ZNF277: variants seen among roughly 807,000 people sequenced by gnomAD.
The protein encoded by ZNF277 is nuclear receptor-interacting factor 4.
ZNF277 carries 55 observed loss-of-function variants against 60.7 expected under a neutral mutation model. The observed-to-expected ratio is 0.91, with a 90% CI of 0.73 to 1.13. ZNF277 has a LOEUF of 1.13. Among genes scored for constraint, ZNF277 ranks in the 50% most tolerant of loss-of-function variants. ZNF277 has a pLI of 0.00. For synonymous variants in ZNF277, 178 were observed against 179.3 expected, an observed-to-expected ratio of 0.99 and a Z score of 0.06; for missense variants, 510 against 523.0, an observed-to-expected ratio of 0.98 and a Z score of 0.24.
intron 5 of ZNF277, among the ~76,000 whole-genome samples, chr7:112,319,297 T>C (rs930838327): frequency 1.3e-5 from 2 of 152,096 alleles, no homozygotes; most frequent in African/African-American, 4.8e-5. Flanking sequence ...GGTCCTACCA[T>C]GAGTCTCCTC....
chr7:112,290,510 A>G (rs1387593374), intron 2 of ZNF277, among the ~76,000 whole-genome samples: 1 of 152,214 alleles, frequency 6.6e-6, no homozygotes, highest in African/African-American at 2.4e-5. Flanking sequence ...AATTAAAAAG[A>G]AAAGGATGCA....
In ZNF277 at chr7:112,337,937, G is replaced by A. The variant is rs141106496; in HGVS notation, c.966+111G>A. ...AGTTTCCCAATCATTATTCCAACCA[G>A]AAGAGACAGGCCAGGTCTGTCAGGG... On this transcript the variant is annotated intron_variant, in intron 9 of 11. Transcript: ENST00000361822. 3.1e-3 allele frequency: 2,670 copies of A among 863,048 alleles called. 8 individuals carry two copies. Among genetic ancestry groups the A allele is most frequent in the Non-Finnish European group, 4.3e-3 (2,448 of 573,200 alleles). 53.5% of individuals were successfully genotyped at this position (863,048 alleles called of 1,614,324 possible). A position where few individuals can be genotyped will look rare whatever the true frequency, so the allele number is the denominator to read the frequency against.
At chr7:112,330,705 C>T (rs376242534) in intron 7 of ZNF277, among the ~76,000 whole-genome samples, 2 of 152,026 alleles carry the variant, frequency 1.3e-5, no homozygotes, top group Non-Finnish European at 2.9e-5. Context: ...GCTGGAATTA[C>T]AGCTACTGTG....
chr7:112,221,171 G>A (rs907482493), intron 1 of ZNF277, among the ~76,000 whole-genome samples: 5 of 152,134 alleles, frequency 3.3e-5, no homozygotes, highest in Admixed American at 2.6e-4. Context: ...GCTGGCCATC[G>A]TTCCTGCATG....
chr7:112,323,335 CA>C (rs1264659931), intron 5 of ZNF277, among the ~76,000 whole-genome samples: 1 of 152,244 alleles, frequency 6.6e-6, no homozygotes, highest in Non-Finnish European at 1.5e-5. Flanking sequence ...TTGCCTCAGG[CA>C]GCTGTGATGT....
intron 1 of ZNF277, among the ~76,000 whole-genome samples, chr7:112,252,683 T>G (rs893561922): frequency 6.6e-6 from 1 of 152,116 alleles, no homozygotes; most frequent in Admixed American, 6.5e-5. Context: ...GCTCCCTGCT[T>G]CTGTTTCCTT....
intron 1 of ZNF277, among the ~76,000 whole-genome samples, chr7:112,280,355 T>G (rs1459690288): frequency 1.3e-5 from 2 of 152,332 alleles, no homozygotes; most frequent in East Asian, 3.9e-4. Flanking sequence ...AAAATGTTAA[T>G]AATCAGCATA....
At chr7:112,277,420 A>C (rs933240431) in intron 1 of ZNF277, among the ~76,000 whole-genome samples, 3 of 152,174 alleles carry the variant, frequency 2.0e-5, no homozygotes, top group Non-Finnish European at 4.4e-5. Flanking sequence ...CTTTCTTCCC[A>C]GAAAAAATTA....
chr7:112,212,231 C>G (rs1033049799), intron 1 of ZNF277, among the ~76,000 whole-genome samples: 1 of 152,188 alleles, frequency 6.6e-6, no homozygotes. Flanking sequence ...GAATGACCTA[C>G]CACATGGACC....
chr7:112,246,343 G>A (rs941864450), intron 1 of ZNF277, among the ~76,000 whole-genome samples: 13 of 152,116 alleles, frequency 8.5e-5, no homozygotes, highest in Non-Finnish European at 1.0e-4. Flanking sequence ...GCAGTGAGCC[G>A]TGATCATGCC....
chr7:112,330,025 G>T, intron 6 of ZNF277, 59 bp from the exon 7 acceptor site: 1 of 1,540,028 alleles, frequency 6.5e-7, no homozygotes, highest in Non-Finnish European at 8.7e-7. Context: ...TAATAATAAA[G>T]GATTATTGCA....
chr7:112,310,675 A>G (rs1034106377), intron 4 of ZNF277, among the ~76,000 whole-genome samples: 1 of 152,074 alleles, frequency 6.6e-6, no homozygotes, highest in African/African-American at 2.4e-5. Context: ...AATAAAAAGC[A>G]GGAGAAATAG....
intron 1 of ZNF277, among the ~76,000 whole-genome samples, chr7:112,283,858 C>CTA (rs1792003196): frequency 6.6e-6 from 1 of 152,084 alleles, no homozygotes; most frequent in Non-Finnish European, 1.5e-5. Context: ...ATAAGAATTG[C>CTA]TATGGGGTAT....
At chr7:112,269,955 C>T (rs1289398298) in intron 1 of ZNF277, among the ~76,000 whole-genome samples, 1 of 151,974 alleles carries the variant, frequency 6.6e-6, no homozygotes, top group Non-Finnish European at 1.5e-5. Context: ...CACAAAATCA[C>T]ACAATAAGAA....
intron 4 of ZNF277, among the ~76,000 whole-genome samples, chr7:112,299,936 A>G (rs1172077677): frequency 6.6e-6 from 1 of 152,200 alleles, no homozygotes; most frequent in Non-Finnish European, 1.5e-5. Flanking sequence ...TAAAGCATAT[A>G]GTTTAAGTAC....
intron 1 of ZNF277, among the ~76,000 whole-genome samples, chr7:112,272,293 T>C (rs1363973054): frequency 6.6e-6 from 1 of 152,236 alleles, no homozygotes; most frequent in African/African-American, 2.4e-5. Flanking sequence ...AATAGTACTC[T>C]ACTGTGTATA....
At chr7:112,233,967 A>G (rs1453244283) in intron 1 of ZNF277, among the ~76,000 whole-genome samples, 2 of 150,986 alleles carry the variant, frequency 1.3e-5, no homozygotes, top group African/African-American at 4.9e-5. Flanking sequence ...GCCTTCCTCT[A>G]TTCAGTTACT....
rs1022654600 is a variant in ZNF277, at chr7:112,208,816, G to T, written c.91+2009G>T. 4.0e-5 allele frequency among the ~76,000 whole-genome samples: 6 copies of T among 151,582 alleles called. No homozygotes were observed. The South Asian group carries it at 1.0e-3, about 26-fold the overall frequency. On this transcript the variant is annotated intron_variant, in intron 1 of 11. Transcript: ENST00000361822. ...CTGCCTCAGCCTCCCGAGTAACTGG[G>T]ACTACAGGCGCCAGCCAACAAGCCC...
intron 1 of ZNF277, among the ~76,000 whole-genome samples, chr7:112,210,237 TAGTC>T (rs1821701175): frequency 6.6e-6 from 1 of 152,196 alleles, no homozygotes; most frequent in African/African-American, 2.4e-5. Flanking sequence ...ATTAAAATGT[TAGTC>T]TGTGTGTTTA....
Sources: allele counts gnomAD v4.1 joint callset (sites outside exome capture counted in the v4.1 genomes callset), GRCh38; gene constraint gnomAD v4.1.1; transcripts MANE v1.5; gene names NCBI Gene and HGNC (gene_info 2026-07-23, HGNC 2026-07-21).